GNG4: variants seen among roughly 807,000 people sequenced by gnomAD.
GNG4 encodes the protein guanine nucleotide-binding protein G(I)/G(S)/G(O) subunit gamma-4.
In GNG4, 4 loss-of-function variants were observed where a neutral mutation model predicts 5.8. The observed-to-expected ratio is 0.69, with a 90% CI of 0.34 to 1.57. The LOEUF is 1.57. Among genes scored for constraint, GNG4 ranks in the 40% most tolerant of loss-of-function variants. The pLI, the probability that GNG4 is intolerant of heterozygous loss-of-function variation, is 0.06. For synonymous variants in GNG4, 29 were observed against 32.9 expected (o/e 0.88, Z 0.41); for missense variants, 96 against 95.1 (o/e 1.01, Z -0.04).
At chr1:235,570,616 C>T (rs895305214) in intron 3 of GNG4, among the ~76,000 whole-genome samples, 2 of 151,650 alleles carry the variant, frequency 1.3e-5, no homozygotes, top group African/African-American at 2.4e-5. Flanking sequence ...AGGCTGGTCT[C>T]GAACTCCTGA....
chr1:235,611,480 G>A (rs555796823), intron 1 of GNG4, among the ~76,000 whole-genome samples: 13 of 152,204 alleles, frequency 8.5e-5, no homozygotes, highest in South Asian at 2.1e-4. Flanking sequence ...TCCCTGGACC[G>A]AGATTCTTGA....
At chr1:235,557,527 G>A (rs1210601312) in intron 3 of GNG4, among the ~76,000 whole-genome samples, 2 of 151,910 alleles carry the variant, frequency 1.3e-5, no homozygotes, top group East Asian at 1.9e-4. Context: ...GCTGTGACCC[G>A]CCAATCCCCT....
intron 3 of GNG4, among the ~76,000 whole-genome samples, chr1:235,558,753 C>T (rs1471052060): frequency 2.0e-5 from 3 of 152,340 alleles, no homozygotes; most frequent in East Asian, 3.9e-4. Flanking sequence ...CCTTTCTCAT[C>T]AAGCCTGAAT....
At chr1:235,604,358 A>G (rs1688316773) in intron 1 of GNG4, among the ~76,000 whole-genome samples, 1 of 152,244 alleles carries the variant, frequency 6.6e-6, no homozygotes, top group African/African-American at 2.4e-5. Context: ...GCCACGTCTC[A>G]GCTTCCTAGA....
At chr1:235,597,668 C>T (rs1688158839) in intron 1 of GNG4, among the ~76,000 whole-genome samples, 1 of 146,306 alleles carries the variant, frequency 6.8e-6, no homozygotes, top group East Asian at 2.0e-4. Context: ...CTCTGTAGCC[C>T]AGGCTGGAGT....
At chr1:235,630,516 G>A (rs976781514) in intron 1 of GNG4, among the ~76,000 whole-genome samples, 70 of 152,296 alleles carry the variant, frequency 4.6e-4, no homozygotes, top group African/African-American at 1.6e-3. Flanking sequence ...GAATTCTGAC[G>A]AAAGTACACG....
At chr1:235,631,892 G>A (rs1195664162) in intron 1 of GNG4, among the ~76,000 whole-genome samples, 1 of 151,932 alleles carries the variant, frequency 6.6e-6, no homozygotes, top group African/African-American at 2.4e-5. Context: ...CCTATGAGTG[G>A]CAATACGTGG....
chr1:235,613,928 C>T (rs1688533216), intron 1 of GNG4, among the ~76,000 whole-genome samples: 1 of 152,198 alleles, frequency 6.6e-6, no homozygotes, highest in South Asian at 2.1e-4. Flanking sequence ...ATCCTCCCAC[C>T]TCAGCCTCCT....
At chr1:235,617,070 C>CTTTA (rs1248379488) in intron 1 of GNG4, among the ~76,000 whole-genome samples, 1 of 152,046 alleles carries the variant, frequency 6.6e-6, no homozygotes, top group African/African-American at 2.4e-5. Flanking sequence ...ATTTTGAATC[C>CTTTA]TTTACCTGAC....
chr1:235,617,614 G>A (rs1041060617), intron 1 of GNG4, among the ~76,000 whole-genome samples: 3 of 152,188 alleles, frequency 2.0e-5, no homozygotes, highest in Admixed American at 2.0e-4. Context: ...GCTGGGTGCG[G>A]TGGCTCACGC....
chr1:235,577,245 T>C (rs1687505839), intron 3 of GNG4, among the ~76,000 whole-genome samples: 1 of 152,144 alleles, frequency 6.6e-6, no homozygotes, highest in Admixed American at 6.5e-5. Context: ...CTCTTTGGGT[T>C]CCCATCTGCC....
intron 2 of GNG4, among the ~76,000 whole-genome samples, chr1:235,587,220 G>GGT (rs1558485689): frequency 4.2e-4 from 35 of 83,754 alleles, no homozygotes; most frequent in South Asian, 1.4e-3. Flanking sequence ...TGAGGGTGTG[G>GGT]GTGAGTGTGA....
At chr1:235,568,670 T>A (rs973076469) in intron 3 of GNG4, among the ~76,000 whole-genome samples, 1 of 152,158 alleles carries the variant, frequency 6.6e-6, no homozygotes, top group Non-Finnish European at 1.5e-5. Context: ...GGAAGTGTTG[T>A]CCAGACTGAT....
At chr1:235,633,991 GAAAGGTTCATGGTGGGA>G (rs1454436030) in intron 1 of GNG4, among the ~76,000 whole-genome samples, 1 of 152,228 alleles carries the variant, frequency 6.6e-6, no homozygotes, top group Middle Eastern at 3.2e-3. Flanking sequence ...CTGGTCCTAG[GAAAGGTTCATGGTGGGA>G]AATGGGAGGA....
At chr1:235,623,324 A>G (rs374143962) in intron 1 of GNG4, among the ~76,000 whole-genome samples, 2 of 152,252 alleles carry the variant, frequency 1.3e-5, no homozygotes, top group East Asian at 3.9e-4. Context: ...TTTCCATCAG[A>G]ACATTCGCTA....
At chr1:235,572,384 G>A (rs752346638) in intron 3 of GNG4, among the ~76,000 whole-genome samples, 7 of 152,062 alleles carry the variant, frequency 4.6e-5, no homozygotes, top group Admixed American at 2.0e-4. Context: ...ATTCTTAGTA[G>A]AGACGGGGTT....
At chr1:235,573,027 T>C (rs1427922468) in intron 3 of GNG4, among the ~76,000 whole-genome samples, 1 of 152,122 alleles carries the variant, frequency 6.6e-6, no homozygotes, top group Admixed American at 6.6e-5. Flanking sequence ...CACATGCACA[T>C]GTATGTTTAT....
At chr1:235,573,600 A>T (rs1158292706) in intron 3 of GNG4, among the ~76,000 whole-genome samples, 2 of 152,048 alleles carry the variant, frequency 1.3e-5, no homozygotes, top group Admixed American at 6.6e-5. Flanking sequence ...ACACAGTGAA[A>T]CCCCGTCTCT....
chr1:235,558,916 A>G (rs1208907881), intron 3 of GNG4, among the ~76,000 whole-genome samples: 1 of 152,222 alleles, frequency 6.6e-6, no homozygotes, highest in Non-Finnish European at 1.5e-5. Context: ...CACATTTCAG[A>G]GTAAAAGAGG....
Sources: allele counts gnomAD v4.1 joint callset (sites outside exome capture counted in the v4.1 genomes callset), GRCh38; gene constraint gnomAD v4.1.1; transcripts MANE v1.5; gene names NCBI Gene and HGNC (gene_info 2026-07-23, HGNC 2026-07-21).